ARMH3: variants seen among roughly 807,000 people sequenced by gnomAD.
ARMH3 encodes armadillo-like helical domain-containing protein 3.
ARMH3 carries 60 observed loss-of-function variants against 99.1 expected under a neutral mutation model. That is an observed-to-expected ratio of 0.61 (90% CI 0.49 to 0.75). The LOEUF (loss-of-function observed/expected upper bound fraction) is 0.75, where lower values mean the gene tolerates loss of function less well. Ranked by LOEUF, ARMH3 falls within the 30% of genes least tolerant of loss-of-function variation. The pLI is 0.00. For synonymous variants in ARMH3, 285 were observed against 292.8 expected (o/e 0.97, Z 0.27); for missense variants, 679 against 843.1 (o/e 0.81, Z 2.41).
intron 23 of ARMH3, among the ~76,000 whole-genome samples, chr10:101,939,327 G>A (rs1844132150): frequency 1.3e-5 from 2 of 152,192 alleles, no homozygotes; most frequent in Non-Finnish European, 2.9e-5. Context: ...CATGGGTGGT[G>A]CCTCCTCAAG....
At chr10:101,894,457 G>A (rs766917226) in intron 23 of ARMH3, among the ~76,000 whole-genome samples, 4 of 152,162 alleles carry the variant, frequency 2.6e-5, no homozygotes, top group Non-Finnish European at 5.9e-5. Flanking sequence ...ACTGAATTAC[G>A]TCGCTTCTCC....
chr10:101,992,464 A>G (rs1234545873), intron 17 of ARMH3, among the ~76,000 whole-genome samples: 1 of 152,092 alleles, frequency 6.6e-6, no homozygotes, highest in Admixed American at 6.6e-5. Context: ...TTGCAAAAAA[A>G]TAAAGAAAGT....
chr10:101,924,974 T>C (rs1294143785), intron 23 of ARMH3, among the ~76,000 whole-genome samples: 3 of 151,878 alleles, frequency 2.0e-5, no homozygotes, highest in Non-Finnish European at 4.4e-5. Context: ...GGCCTGGCAA[T>C]AGAGAGAGAC....
chr10:101,849,698 T>TAAACTGCAGATAAACTGCAGAA (rs2066542205), intron 25 of ARMH3, 78 bp downstream of exon 25: 2 of 1,229,284 alleles, frequency 1.6e-6, no homozygotes, highest in Non-Finnish European at 2.4e-6. Flanking sequence ...TATCTGCAGA[T>TAAACTGCAGATAAACTGCAGAA]AAACTGCAGA....
At chr10:101,908,236 T>C (rs1393540766) in intron 23 of ARMH3, among the ~76,000 whole-genome samples, 2 of 152,246 alleles carry the variant, frequency 1.3e-5, no homozygotes, top group Non-Finnish European at 2.9e-5. Flanking sequence ...GTACATGTGT[T>C]GGGCAGGTGT....
At chr10:101,849,982 G>T in intron 24 of ARMH3, 90 bp from the exon 25 acceptor site, 2 of 1,149,092 alleles carry the variant, frequency 1.7e-6, no homozygotes, top group Non-Finnish European at 2.5e-6. Context: ...GTTGGGTTTG[G>T]TCTGTGACAA....
At chr10:101,978,027 A>G (rs1846080972) in intron 19 of ARMH3, among the ~76,000 whole-genome samples, 1 of 152,238 alleles carries the variant, frequency 6.6e-6, no homozygotes, top group Non-Finnish European at 1.5e-5. Context: ...AACAGTCAAC[A>G]AATTCCTCCA....
intron 19 of ARMH3, among the ~76,000 whole-genome samples, chr10:101,988,149 C>G (rs1846597682): frequency 6.6e-6 from 1 of 152,136 alleles, no homozygotes; most frequent in South Asian, 2.1e-4. Flanking sequence ...CAGTAGATAA[C>G]TAATACACCT....
intron 23 of ARMH3, among the ~76,000 whole-genome samples, chr10:101,900,477 T>G (rs2067946796): frequency 6.6e-6 from 1 of 152,222 alleles, no homozygotes; most frequent in Non-Finnish European, 1.5e-5. Flanking sequence ...AAAACTGATC[T>G]AATTTTGATT....
chr10:101,908,059 A>T (rs1461915701), intron 23 of ARMH3, among the ~76,000 whole-genome samples: 1 of 152,148 alleles, frequency 6.6e-6, no homozygotes, highest in Non-Finnish European at 1.5e-5. Flanking sequence ...TAAGCATCTG[A>T]AACATGGCCA....
intron 19 of ARMH3, among the ~76,000 whole-genome samples, chr10:101,978,559 A>T (rs1267764791): frequency 2.0e-5 from 3 of 152,204 alleles, no homozygotes; most frequent in Non-Finnish European, 4.4e-5. Context: ...ACACTTTGGG[A>T]GGCCAAGGCA....
At chr10:101,929,876 A>G (rs569560988) in intron 23 of ARMH3, among the ~76,000 whole-genome samples, 3 of 152,304 alleles carry the variant, frequency 2.0e-5, no homozygotes, top group African/African-American at 7.2e-5. Context: ...GCTTGGGACC[A>G]GAAGAGTTTT....
chr10:101,962,864 T>C (rs1007317591), intron 20 of ARMH3, among the ~76,000 whole-genome samples: 3 of 152,154 alleles, frequency 2.0e-5, no homozygotes, highest in Non-Finnish European at 2.9e-5. Flanking sequence ...ATATCTATAT[T>C]TGCCACCAAA....
chr10:102,015,391 A>ATT (rs58969567), intron 8 of ARMH3, among the ~76,000 whole-genome samples: 2,738 of 141,988 alleles, frequency 0.019, 71 homozygotes, highest in African/African-American at 0.061. Flanking sequence ...AGGTTTTGGG[A>ATT]TTTTTTTTTT....
intron 19 of ARMH3, among the ~76,000 whole-genome samples, chr10:101,984,484 T>C (rs183817573): frequency 7.0e-4 from 106 of 152,198 alleles, no homozygotes; most frequent in Non-Finnish European, 1.1e-3. Context: ...CACAGTACAT[T>C]CCTGAATGCC....
At chr10:101,946,020 T>C in intron 22 of ARMH3, among the ~76,000 whole-genome samples, 1 of 128,214 alleles carries the variant, frequency 7.8e-6, no homozygotes, top group African/African-American at 3.1e-5. Context: ...GAGGCAGAGG[T>C]TGCAGTGGGC....
intron 24 of ARMH3, among the ~76,000 whole-genome samples, chr10:101,860,241 TATATAGATATAG>T (rs150682758): frequency 3.9e-5 from 6 of 152,146 alleles, no homozygotes; most frequent in Non-Finnish European, 7.4e-5. Flanking sequence ...GGAGATGATA[TATATAGATATAG>T]ATATAGATAT....
intron 24 of ARMH3, among the ~76,000 whole-genome samples, chr10:101,886,935 C>G (rs2067562027): frequency 6.6e-6 from 1 of 152,126 alleles, no homozygotes; most frequent in African/African-American, 2.4e-5. Context: ...AAGTTCTTGA[C>G]TTTTTTCTCT....
intron 25 of ARMH3, among the ~76,000 whole-genome samples, chr10:101,848,439 G>A (rs2066510310): frequency 6.6e-6 from 1 of 152,136 alleles, no homozygotes; most frequent in Admixed American, 6.5e-5. Flanking sequence ...GACTCTTCAA[G>A]GAGATTTCCC....
Sources: allele counts gnomAD v4.1 joint callset (sites outside exome capture counted in the v4.1 genomes callset), GRCh38; gene constraint gnomAD v4.1.1; transcripts MANE v1.5; gene names NCBI Gene and HGNC (gene_info 2026-07-23, HGNC 2026-07-21).